KIRREL3: variants seen among roughly 807,000 people sequenced by gnomAD.
KIRREL3 encodes the protein kirre like nephrin family adhesion molecule 3.
In KIRREL3, 36 loss-of-function variants were observed where a neutral mutation model predicts 89.7. The observed-to-expected ratio is 0.40, with a 90% CI of 0.31 to 0.53. The LOEUF is 0.53. Among genes scored for constraint, KIRREL3 ranks in the 20% least tolerant of loss-of-function variants. The pLI is 0.49. For missense variants in KIRREL3, 864 were observed against 1,056.6 expected (o/e 0.82, Z 2.53); for synonymous variants, 445 against 441.4 (o/e 1.01, Z -0.10).
In KIRREL3 at chr11:126,566,183, G is replaced by A. The variant is rs946531773; in HGVS notation, c.56-3271C>T. On this transcript the variant is annotated intron_variant, in intron 1 of 16. Coordinates refer to ENST00000525144, the MANE Select transcript of KIRREL3 (RefSeq NM_032531.4). The surrounding 1 kb of genome is among the most constrained non-coding windows in gnomAD (Gnocchi z 4.9). ...GAGTCAGCCCTGGCTTAAAAGGAAA[G>A]TTCATAGCAAGGAAGTCCAGGGTCA... Among the ~76,000 whole-genome samples, 2 of 152,202 alleles carry A rather than the reference G, an allele frequency of 1.3e-5. No homozygotes were observed. Among genetic ancestry groups the A allele is most frequent in the African/African-American group, 4.8e-5 (2 of 41,440 alleles).
intron 7 of KIRREL3, 64 bp from the exon 8 acceptor site, chr11:126,449,221 A>G (rs1431507964): frequency 3.2e-6 from 5 of 1,579,010 alleles, no homozygotes; most frequent in African/African-American, 2.7e-5. Flanking sequence ...CGGGAGCTGG[A>G]CACATCCATC....
chr11:126,799,230 GTATC>G (rs1268489349), intron 1 of KIRREL3, among the ~76,000 whole-genome samples: 8 of 138,466 alleles, frequency 5.8e-5, no homozygotes, highest in African/African-American at 1.5e-4. Flanking sequence ...GTGTATCTGT[GTATC>G]TGTGTGTGGA....
rs770831582 is a variant in KIRREL3 at position 126,463,790 on chromosome 11, G to A, written c.592-483C>T. 3.9e-5 allele frequency among the ~76,000 whole-genome samples: 6 copies of A among 152,138 alleles called. No individual in the cohort carries two copies. The highest frequency in any genetic ancestry group is 5.9e-5 in the Non-Finnish European group (4 of 68,020). ...AGTTTGGGGAATGGGAGTCAGAGTG[G>A]GTGGGGATATGGGCAGAATCAGTGC... On this transcript the variant is annotated intron_variant, in intron 5 of 16. Coordinates refer to ENST00000525144, the MANE Select transcript of KIRREL3 (RefSeq NM_032531.4). The surrounding 1 kb of genome is among the most constrained non-coding windows in gnomAD (Gnocchi z 5.9).
chr11:126,456,039 G>GTTTTTTTTTTTTTTTTTTTTTTTT (rs745805898), intron 7 of KIRREL3, among the ~76,000 whole-genome samples: 9 of 68,312 alleles, frequency 1.3e-4, no homozygotes, highest in African/African-American at 4.3e-4. Context: ...TTTTGTTTTC[G>GTTTTTTTTTTTTTTTTTTTTTTTT]TTTTTTTTTT....
chr11:126,641,441 A>T lies in KIRREL3; in HGVS notation c.56-78529T>A, dbSNP rs1278607784. Among the ~76,000 whole-genome samples the T allele has an allele frequency of 1.3e-5, 2 of 152,134 alleles. No individual in the cohort carries two copies. The highest frequency in any genetic ancestry group is 2.9e-5 in the Non-Finnish European group (2 of 68,022). On this transcript the variant is annotated intron_variant, in intron 1 of 16. Transcript: ENST00000525144. The surrounding 1 kb of genome is among the most constrained non-coding windows in gnomAD (Gnocchi z 5.0). ...CAGGGTGCAGGGTGTCATGAGTTTT[A>T]CAGATTCTGGCTACAAATACCTGAG...
intron 1 of KIRREL3, among the ~76,000 whole-genome samples, chr11:126,633,171 G>A (rs1224896039): frequency 2.6e-5 from 4 of 152,086 alleles, no homozygotes; most frequent in Admixed American, 1.3e-4. Flanking sequence ...TGGCCATGCC[G>A]AGTCCCAAGT....
intron 1 of KIRREL3, among the ~76,000 whole-genome samples, chr11:126,958,062 C>T (rs11220674): frequency 0.013 from 2,031 of 152,258 alleles, 56 homozygotes; most frequent in East Asian, 0.12. Context: ...GAAATTGTAG[C>T]TTTGTTGCAC....
rs571560727 is a variant in KIRREL3 at position 126,537,888 on chromosome 11, C to T, written c.134-11201G>A. Among the ~76,000 whole-genome samples the T allele has an allele frequency of 2.6e-5, 4 of 152,384 alleles. No homozygotes were observed. The South Asian group carries it at 8.3e-4, about 32-fold the overall frequency. ...AAACAGGAGCCAGAGGAGCACCTGT[C>T]TTGCGGAGTCCCAGAGCTGAGAACG... On this transcript the variant is annotated intron_variant, in intron 2 of 16. Transcript: ENST00000525144. The surrounding 1 kb of genome is among the most constrained non-coding windows in gnomAD (Gnocchi z 4.3).
At chr11:126,792,379 T>G (rs1477624781) in intron 1 of KIRREL3, among the ~76,000 whole-genome samples, 7 of 152,120 alleles carry the variant, frequency 4.6e-5, no homozygotes, top group Non-Finnish European at 8.8e-5. Flanking sequence ...GTTGAGAAAA[T>G]GGTGATGCAG....
intron 1 of KIRREL3, among the ~76,000 whole-genome samples, chr11:126,859,930 C>T (rs1477739204): frequency 6.6e-6 from 1 of 152,216 alleles, no homozygotes; most frequent in Non-Finnish European, 1.5e-5. Flanking sequence ...CTACATATCT[C>T]AGTTGAAAAC....
intron 1 of KIRREL3, among the ~76,000 whole-genome samples, chr11:126,693,631 A>ACACCCC (rs775737611): frequency 4.0e-5 from 6 of 151,454 alleles, no homozygotes; most frequent in Non-Finnish European, 5.9e-5. Context: ...ACACACACAC[A>ACACCCC]CCCATAGTCA....
intron 1 of KIRREL3, among the ~76,000 whole-genome samples, chr11:126,949,947 G>A (rs927343029): frequency 1.1e-4 from 16 of 152,320 alleles, no homozygotes; most frequent in East Asian, 3.9e-4. Flanking sequence ...AAATCTGCAC[G>A]TCTGTGTGTT....
chr11:126,799,192 CTG>C (rs1309376673), intron 1 of KIRREL3, among the ~76,000 whole-genome samples: 546 of 54,294 alleles, frequency 0.01, 5 homozygotes, highest in African/African-American at 0.026. Flanking sequence ...CTATGGGTAT[CTG>C]TGTGTGTGCA....
At chr11:126,851,271 G>T (rs995325480) in intron 1 of KIRREL3, among the ~76,000 whole-genome samples, 5 of 152,190 alleles carry the variant, frequency 3.3e-5, no homozygotes, top group Non-Finnish European at 5.9e-5. Flanking sequence ...ATGATGTGCT[G>T]GTGGTTCACT....
At chr11:126,888,595 C>T (rs897571219) in intron 1 of KIRREL3, among the ~76,000 whole-genome samples, 1 of 152,288 alleles carries the variant, frequency 6.6e-6, no homozygotes, top group African/African-American at 2.4e-5. Flanking sequence ...GTTGCTAAGA[C>T]CCTCACGAGG....
chr11:126,665,980 C>A (rs1945644777), intron 1 of KIRREL3, among the ~76,000 whole-genome samples: 1 of 152,186 alleles, frequency 6.6e-6, no homozygotes, highest in Non-Finnish European at 1.5e-5. Flanking sequence ...TATACTTATA[C>A]TGTGTCAGTC....
At chr11:126,654,939 C>A (rs1454704198) in intron 1 of KIRREL3, among the ~76,000 whole-genome samples, 1 of 152,184 alleles carries the variant, frequency 6.6e-6, no homozygotes, top group South Asian at 2.1e-4. Flanking sequence ...CCCCAGAGGC[C>A]GCTCCTTGCT....
At chr11:126,839,101 A>G (rs1223864048) in intron 1 of KIRREL3, among the ~76,000 whole-genome samples, 6 of 152,218 alleles carry the variant, frequency 3.9e-5, no homozygotes, top group Non-Finnish European at 2.9e-5. Context: ...GCCATGAAAA[A>G]GTTTTTCACA....
At chr11:126,859,859 T>C (rs1372972520) in intron 1 of KIRREL3, among the ~76,000 whole-genome samples, 4 of 152,178 alleles carry the variant, frequency 2.6e-5, no homozygotes, top group Non-Finnish European at 4.4e-5. Context: ...TGAGTCTTGC[T>C]ATTTCTGTTT....
Sources: gnomAD v4.1 joint callset for allele counts (sites outside exome capture counted in the v4.1 genomes callset) on GRCh38, gnomAD v4.1.1 for gene constraint, Gnocchi (gnomAD v3.1) non-coding constraint, MANE v1.5 for transcripts, NCBI Gene and HGNC (gene_info 2026-07-23, HGNC 2026-07-21) for gene names.